CDH18: variants seen among roughly 807,000 people sequenced by gnomAD.
CDH18 encodes cadherin-18.
In CDH18, 31 loss-of-function variants were observed where a neutral mutation model predicts 67.9. That is an observed-to-expected ratio of 0.46 (90% CI 0.34 to 0.62). The LOEUF (loss-of-function observed/expected upper bound fraction) is 0.62, where lower values mean the gene tolerates loss of function less well. CDH18 is among the 20% of genes least tolerant of loss of function. The pLI, the probability that CDH18 is intolerant of heterozygous loss-of-function variation, is 0.01. For missense variants in CDH18, 890 were observed against 975.5 expected, an observed-to-expected ratio of 0.91 and a Z score of 1.17; for synonymous variants, 362 against 347.2, an observed-to-expected ratio of 1.04 and a Z score of -0.48.
intron 1 of CDH18, among the ~76,000 whole-genome samples, chr5:20,410,913 C>A (rs2150143322): frequency 6.6e-6 from 1 of 151,748 alleles, no homozygotes; most frequent in Non-Finnish European, 1.5e-5. Flanking sequence ...AAAATCTTAT[C>A]CTGAAAACTA....
At chr5:19,527,182 G>C (rs542812921) in intron 9 of CDH18, among the ~76,000 whole-genome samples, 1 of 151,700 alleles carries the variant, frequency 6.6e-6, no homozygotes, top group African/African-American at 2.4e-5. Flanking sequence ...TTGCAAACAG[G>C]TGCTCAAATG....
intron 2 of CDH18, among the ~76,000 whole-genome samples, chr5:20,026,360 A>C (rs1362935145): frequency 6.6e-6 from 1 of 152,208 alleles, no homozygotes; most frequent in East Asian, 1.9e-4. Context: ...AAAATAGATA[A>C]TATATTTCTC....
intron 2 of CDH18, among the ~76,000 whole-genome samples, chr5:19,999,420 T>C (rs78999969): frequency 6.6e-6 from 1 of 152,046 alleles, no homozygotes; most frequent in African/African-American, 2.4e-5. Context: ...CTGGCCAACA[T>C]GGTGAAATTC....
intron 3 of CDH18, among the ~76,000 whole-genome samples, chr5:19,794,945 G>A (rs757591033): frequency 6.6e-5 from 10 of 152,014 alleles, no homozygotes; most frequent in Non-Finnish European, 1.5e-4. Flanking sequence ...TGCAGCCTTA[G>A]GTCTGGAGAA....
At chr5:19,850,008 A>G (rs541099584) in intron 2 of CDH18, among the ~76,000 whole-genome samples, 200 of 151,930 alleles carry the variant, frequency 1.3e-3, no homozygotes, top group Non-Finnish European at 2.4e-3. Flanking sequence ...ATTGACATGG[A>G]TTTGAATCAT....
At chr5:20,476,961 G>A (rs1172633571) in intron 1 of CDH18, among the ~76,000 whole-genome samples, 1 of 152,110 alleles carries the variant, frequency 6.6e-6, no homozygotes, top group African/African-American at 2.4e-5. Flanking sequence ...AGGTTACCAA[G>A]TAATCTTTTA....
intron 1 of CDH18, among the ~76,000 whole-genome samples, chr5:20,286,974 T>C (rs189458106): frequency 5.1e-4 from 77 of 151,826 alleles, no homozygotes; most frequent in Non-Finnish European, 1.2e-4. Flanking sequence ...TTTGAGTACC[T>C]TTTTTTCCTC....
intron 10 of CDH18, among the ~76,000 whole-genome samples, chr5:19,515,382 A>C (rs2126862021): frequency 6.6e-6 from 1 of 152,322 alleles, no homozygotes; most frequent in Middle Eastern, 3.4e-3. Context: ...AATTCTGTGA[A>C]GAAAGTCATT....
chr5:19,960,238 G>A (rs562831202), intron 2 of CDH18, among the ~76,000 whole-genome samples: 8 of 151,770 alleles, frequency 5.3e-5, no homozygotes, highest in Non-Finnish European at 1.0e-4. Flanking sequence ...ATAACAATTA[G>A]CTTAAAACAA....
chr5:20,402,342 T>G (rs1409252072), intron 1 of CDH18, among the ~76,000 whole-genome samples: 1 of 152,216 alleles, frequency 6.6e-6, no homozygotes, highest in Non-Finnish European at 1.5e-5. Context: ...TCATCATGCC[T>G]GACTTTGGAA....
At chr5:19,816,023 C>T (rs1779249773) in intron 3 of CDH18, among the ~76,000 whole-genome samples, 1 of 151,806 alleles carries the variant, frequency 6.6e-6, no homozygotes, top group East Asian at 1.9e-4. Flanking sequence ...TAAACAGATA[C>T]ACCATAAATA....
Position 19,830,231 on chromosome 5 carries a change from C to A in CDH18, c.228+8528G>T, listed in dbSNP as rs181462473. The stretch of plus-strand genomic sequence containing the variant: ...AAGTGCTTCAGCACAGCAGAAGAAA[C>A]TATCAACAGAGTTAACAGACAACTT... On this transcript the variant is annotated intron_variant, in intron 3 of 12. Transcript: ENST00000382275. 5.0e-3 allele frequency among the ~76,000 whole-genome samples: 755 copies of A among 152,198 alleles called. 6 individuals carry two copies. Among genetic ancestry groups the A allele is most frequent in the Non-Finnish European group, 6.7e-3 (456 of 68,002 alleles).
chr5:20,316,235 T>C (rs928570093), intron 1 of CDH18, among the ~76,000 whole-genome samples: 2 of 152,090 alleles, frequency 1.3e-5, no homozygotes, highest in African/African-American at 4.8e-5. Context: ...TGTATGATTG[T>C]GATGTGACTG....
At chr5:19,598,585 GAAAAC>G in intron 6 of CDH18, among the ~76,000 whole-genome samples, 1 of 151,980 alleles carries the variant, frequency 6.6e-6, no homozygotes, top group Middle Eastern at 3.4e-3. Context: ...AAACTATATT[GAAAAC>G]AAAACAAATA....
chr5:19,496,174 T>C (rs917467334), intron 11 of CDH18, among the ~76,000 whole-genome samples: 1 of 152,182 alleles, frequency 6.6e-6, no homozygotes, highest in South Asian at 2.1e-4. Flanking sequence ...AAGGAGGCTC[T>C]CAGTCTAGAG....
intron 1 of CDH18, among the ~76,000 whole-genome samples, chr5:20,485,153 G>A (rs1224293413): frequency 6.6e-6 from 1 of 152,070 alleles, no homozygotes; most frequent in Non-Finnish European, 1.5e-5. Flanking sequence ...GCAGTATCTG[G>A]CTTGTCTCAT....
At chr5:20,134,493 T>C (rs932094475) in intron 2 of CDH18, among the ~76,000 whole-genome samples, 1 of 152,280 alleles carries the variant, frequency 6.6e-6, no homozygotes, top group East Asian at 1.9e-4. Context: ...TTTTAGTTTT[T>C]CTGCTTTTAG....
intron 1 of CDH18, among the ~76,000 whole-genome samples, chr5:20,382,079 C>T (rs1218943349): frequency 1.3e-5 from 2 of 151,952 alleles, no homozygotes; most frequent in African/African-American, 2.4e-5. Context: ...ACTAGTTCTC[C>T]AAAATTAATA....
chr5:20,256,087 G>C (rs1744213027), intron 1 of CDH18, among the ~76,000 whole-genome samples: 1 of 151,796 alleles, frequency 6.6e-6, no homozygotes, highest in South Asian at 2.1e-4. Context: ...CTAGAATTGT[G>C]ACTATTAGAT....
Sources: gnomAD v4.1 joint callset for allele counts (sites outside exome capture counted in the v4.1 genomes callset) on GRCh38, gnomAD v4.1.1 for gene constraint, MANE v1.5 for transcripts, NCBI Gene and HGNC (gene_info 2026-07-23, HGNC 2026-07-21) for gene names.